HCRTR2: variants seen among roughly 807,000 people sequenced by gnomAD.
HCRTR2 encodes orexin receptor type 2.
HCRTR2 carries 22 observed loss-of-function variants against 49.0 expected under a neutral mutation model. The observed-to-expected ratio is 0.45, with a 90% CI of 0.32 to 0.64. HCRTR2 has a LOEUF of 0.64. HCRTR2 is among the 30% of genes least tolerant of loss of function. HCRTR2 has a pLI of 0.04. For missense variants in HCRTR2, 491 were observed against 559.4 expected, an observed-to-expected ratio of 0.88 and a Z score of 1.23; for synonymous variants, 236 against 205.3, an observed-to-expected ratio of 1.15 and a Z score of -1.28.
chr6:55,117,377 G>C (rs1352527682), intron 1 of HCRTR2, among the ~76,000 whole-genome samples: 6 of 151,720 alleles, frequency 4.0e-5, no homozygotes, highest in African/African-American at 1.5e-4. Flanking sequence ...CAAGGGATTA[G>C]AATCCAATAT....
intron 1 of HCRTR2, among the ~76,000 whole-genome samples, chr6:55,124,914 A>T (rs578011415): frequency 2.0e-5 from 3 of 147,212 alleles, no homozygotes; most frequent in Non-Finnish European, 3.0e-5. Flanking sequence ...TTTACCAGAG[A>T]TTAGGATACC....
intron 3 of HCRTR2, among the ~76,000 whole-genome samples, chr6:55,260,590 C>A (rs1420213880): frequency 6.6e-6 from 1 of 152,046 alleles, no homozygotes; most frequent in Non-Finnish European, 1.5e-5. Context: ...TTAGACCTGC[C>A]AACACATGCA....
chr6:55,133,387 A>C (rs935082073), intron 1 of HCRTR2, among the ~76,000 whole-genome samples: 49 of 151,470 alleles, frequency 3.2e-4, no homozygotes, highest in African/African-American at 5.6e-4. Flanking sequence ...ACACACACAA[A>C]AAAACACACA....
intron 1 of HCRTR2, among the ~76,000 whole-genome samples, chr6:55,198,175 C>A (rs1008273740): frequency 2.0e-5 from 3 of 152,116 alleles, no homozygotes; most frequent in African/African-American, 7.2e-5. Flanking sequence ...AACACTAATG[C>A]TAAAACAAAC....
chr6:55,227,826 A>G (rs2127298701), intron 1 of HCRTR2, among the ~76,000 whole-genome samples: 1 of 152,346 alleles, frequency 6.6e-6, no homozygotes, highest in Admixed American at 6.5e-5. Context: ...TTAAATTAAA[A>G]ATGAAATTGA....
chr6:55,259,766 G>T (rs6932370), intron 3 of HCRTR2, among the ~76,000 whole-genome samples: 19,017 of 151,790 alleles, frequency 0.13, 1,951 homozygotes, highest in African/African-American at 0.28. Context: ...TTAAAGTAAT[G>T]CTTATGTGAA....
rs553349392 is a variant in HCRTR2, at chr6:55,127,204, G to C, written c.-378+20659G>C. ...TGAAACCCAGGGCCCTGGTGGGGTA[G>C]GCACCAGAAGGAATCTCCTGGTCTG... On this transcript the variant is annotated intron_variant, in intron 1 of 7. Coordinates refer to the HCRTR2 transcript ENST00000615358. Among the ~76,000 whole-genome samples, 114 of 152,260 alleles carry C rather than the reference G, an allele frequency of 7.5e-4. 1 individual carries two copies. The South Asian group carries it at 0.023, about 31-fold the overall frequency.
chr6:55,178,039 A>C (rs776026403), intron 1 of HCRTR2, among the ~76,000 whole-genome samples: 1 of 152,176 alleles, frequency 6.6e-6, no homozygotes, highest in Non-Finnish European at 1.5e-5. Flanking sequence ...ACTACAGCTA[A>C]GTAGATGTAT....
chr6:55,280,281 A>C, intron 5 of HCRTR2, 42 bp from the exon 6 acceptor site: 1 of 1,307,416 alleles, frequency 7.6e-7, no homozygotes, highest in Non-Finnish European at 1.1e-6. Flanking sequence ...CTTTGAATTT[A>C]ATTATTTAAA....
Position 55,255,241 on chromosome 6 carries a change from C to T in HCRTR2, c.508C>T (p.Arg170Cys), listed in dbSNP as rs763684995. The change falls in exon 3 of 7, where the codon CGT becomes TGT. Residue 170 changes from arginine (R) to cysteine (C), a missense_variant. Physicochemically the swap from Arg to Cys is radical, Grantham distance 180. Transcript: ENST00000370862. Reference protein sequence around the residue: ...LMFKSTAKRARNSIVIIWIVS... With the variant: ...LMFKSTAKRACNSIVIIWIVS... ...GTTTAAGAGCACAGCAAAGCGGGCCCGTAACAGCATTGTCATCATCTGGAT... is the reference window on the plus strand; with the variant it reads ...GTTTAAGAGCACAGCAAAGCGGGCCTGTAACAGCATTGTCATCATCTGGAT... 1.7e-5 allele frequency: 28 copies of T among 1,613,930 alleles called. No homozygotes were observed. The highest frequency in any genetic ancestry group is 1.6e-4 in the Middle Eastern group (1 of 6,062).
chr6:55,263,262 A>T (rs1766801916), intron 3 of HCRTR2, among the ~76,000 whole-genome samples: 1 of 152,108 alleles, frequency 6.6e-6, no homozygotes, highest in Non-Finnish European at 1.5e-5. Flanking sequence ...ATAAGGAACA[A>T]CCAACTGAGT....
intron 1 of HCRTR2, among the ~76,000 whole-genome samples, chr6:55,149,528 T>G (rs1386149794): frequency 1.3e-5 from 2 of 152,064 alleles, no homozygotes; most frequent in African/African-American, 2.4e-5. Context: ...TGAGGACATA[T>G]CAAAATATCT....
chr6:55,156,669 C>T (rs113135665), intron 1 of HCRTR2, among the ~76,000 whole-genome samples: 10 of 151,492 alleles, frequency 6.6e-5, no homozygotes, highest in African/African-American at 1.9e-4. Context: ...AATAGCAAAT[C>T]GAATCCAGCA....
chr6:55,204,174 AGAGCACTCACCAG>A (rs1298972522), intron 1 of HCRTR2, among the ~76,000 whole-genome samples: 15 of 152,114 alleles, frequency 9.9e-5, no homozygotes, highest in Non-Finnish European at 1.5e-4. Flanking sequence ...GGAATGACAC[AGAGCACTCACCAG>A]GAGCACTCTC....
At chr6:55,231,827 C>T (rs1766120577) in intron 1 of HCRTR2, among the ~76,000 whole-genome samples, 1 of 152,106 alleles carries the variant, frequency 6.6e-6, no homozygotes, top group Non-Finnish European at 1.5e-5. Context: ...TTTAATCATA[C>T]ATTTTGTTGT....
chr6:55,248,672 G>A lies in HCRTR2; in HGVS notation c.257G>A (p.Arg86Lys), dbSNP rs202073158. ...GCAGTGTGGAAGAACCACCACATGA[G>A]GACGGTAACCAACTACTTCATAGTC... Reference protein sequence around the residue: ...CVAVWKNHHMRTVTNYFIVNL... With the variant: ...CVAVWKNHHMKTVTNYFIVNL... The change falls in exon 2 of 7, where the codon AGG becomes AAG. Residue 86 changes from arginine to lysine, a missense_variant. Coordinates refer to ENST00000370862, the MANE Select transcript of HCRTR2 (RefSeq NM_001384272.1). The A allele has an allele frequency of 1.2e-5, 19 of 1,613,368 alleles. No individual in the cohort carries two copies. Among genetic ancestry groups the A allele is most frequent in the Non-Finnish European group, 1.5e-5 (18 of 1,179,476 alleles).
At chr6:55,144,203 C>A (rs1764548454) in intron 1 of HCRTR2, among the ~76,000 whole-genome samples, 1 of 148,340 alleles carries the variant, frequency 6.7e-6, no homozygotes, top group Non-Finnish European at 1.5e-5. Context: ...ACCTCCGCCT[C>A]CCGGGTTCAA....
rs761735152 is a variant in HCRTR2, at chr6:55,277,476, A to G, written c.859A>G (p.Ser287Gly). The G allele has an allele frequency of 6.2e-7, 1 of 1,614,116 alleles. No individual in the cohort carries two copies. The highest frequency in any genetic ancestry group is 1.7e-5 in the Admixed American group (1 of 59,998). The change falls in exon 5 of 7, where the codon AGC becomes GGC. Residue 287 changes from serine to glycine, a missense_variant. Ser to Gly is a moderately conservative substitution (Grantham distance 56). Transcript: ENST00000370862. ...GPGQPTKSRMSAVAAEIKQIR... is the reference protein window; with the variant it reads ...GPGQPTKSRMGAVAAEIKQIR... ...AGGACAGCCAACGAAGTCCCGGATGAGCGCTGTGGCGGCTGAAATAAAGCA... is the reference window on the plus strand; with the variant it reads ...AGGACAGCCAACGAAGTCCCGGATGGGCGCTGTGGCGGCTGAAATAAAGCA...
At chr6:55,223,750 T>C (rs1765943698) in intron 1 of HCRTR2, among the ~76,000 whole-genome samples, 2 of 152,102 alleles carry the variant, frequency 1.3e-5, no homozygotes, top group South Asian at 2.1e-4. Flanking sequence ...CTGGCTATGA[T>C]GCAGAAAAAT....
Sources: gnomAD v4.1 joint callset for allele counts (sites outside exome capture counted in the v4.1 genomes callset) on GRCh38, gnomAD v4.1.1 for gene constraint, MANE v1.5 for transcripts, NCBI Gene and HGNC (gene_info 2026-07-23, HGNC 2026-07-21) for gene names.